Variants in ZSCAN18 observed in about 807,000 individuals in gnomAD.
ZSCAN18 encodes zinc finger and SCAN domain containing 18, also known as zinc finger and SCAN domain-containing protein 18.
ZSCAN18 carries 16 observed loss-of-function variants against 31.1 expected under a neutral mutation model. The observed-to-expected ratio is 0.51, with a 90% CI of 0.35 to 0.78. ZSCAN18 has a LOEUF of 0.78. Ranked by LOEUF, ZSCAN18 falls within the 30% of genes least tolerant of loss-of-function variation. The probability of loss-of-function intolerance (pLI) is 0.01; values close to 1 mark genes in which losing one functional copy is unlikely to be tolerated. For synonymous variants in ZSCAN18, 375 were observed against 320.7 expected, an observed-to-expected ratio of 1.17 and a Z score of -1.81; for missense variants, 731 against 697.4, an observed-to-expected ratio of 1.05 and a Z score of -0.54.
chr19:58,105,985 GA>G (rs1226486666), intron 1 of ZSCAN18, among the ~76,000 whole-genome samples: 7 of 149,330 alleles, frequency 4.7e-5, no homozygotes, highest in Non-Finnish European at 8.9e-5. Flanking sequence ...TATCAAAAAA[GA>G]AAAAAAAAGG....
upstream of ZSCAN18, among the ~76,000 whole-genome samples, chr19:58,099,967 T>TTTTTTG (rs1555802344): frequency 2.7e-5 from 4 of 149,480 alleles, no homozygotes; most frequent in South Asian, 2.1e-4. Flanking sequence ...AAGCTATGTT[T>TTTTTTG]TTTTTTTTTT....
chr19:58,105,047 T>C (rs1364725604), intron 1 of ZSCAN18, among the ~76,000 whole-genome samples: 1 of 152,228 alleles, frequency 6.6e-6, no homozygotes, highest in African/African-American at 2.4e-5. Flanking sequence ...GACTTTAAGT[T>C]GAAACCAAAG....
chr19:58,088,508 G>T (rs1396404136), intron 3 of ZSCAN18, 180 bp downstream of exon 3: 13 of 593,106 alleles, frequency 2.2e-5, no homozygotes, highest in Non-Finnish European at 3.8e-5. Flanking sequence ...AATCTCTGAA[G>T]ACTAATTTAA....
In ZSCAN18 at chr19:58,083,879, A is replaced by G. The variant is rs527411701; in HGVS notation, c.*806T>C. On this transcript the variant is annotated 3_prime_UTR_variant, in exon 7 of 7. Transcript: ENST00000601144. ...AGTTTAGTCTCCTTTGCTCAGACAG[A>G]CAGATCTTTATTAGTGTTTTCAACT... The G allele has an allele frequency of 3.9e-4, 59 of 152,354 alleles. No individual in the cohort carries two copies. Among genetic ancestry groups the G allele is most frequent in the African/African-American group, 1.3e-3 (56 of 41,584 alleles). The allele number at this position is 152,354 out of a possible 1,614,324, so 9.4% of individuals were successfully genotyped here. A position where few individuals can be genotyped will look rare whatever the true frequency, so the allele number is the denominator to read the frequency against.
chr19:58,085,290 G>C lies in ZSCAN18; in HGVS notation c.928C>G (p.Pro310Ala). Reference protein sequence around the residue: ...VLPELPTEAPPGDALADPPSG... With the variant: ...VLPELPTEAPAGDALADPPSG... ...GGGGGATCGGCAAGGGCGTCCCCAG[G>C]GGGCGCCTCCGTAGGCAGCTCAGGC... The change falls in exon 7 of 7, where the codon CCT (proline) becomes GCT (alanine). Residue 310 changes from proline (P) to alanine (A), a missense_variant. This residue lies in a region of ZSCAN18 where 597 missense variants were observed against 499.5 expected (regional missense o/e 1.20). Transcript: ENST00000601144. The C allele has an allele frequency of 4.4e-6, 7 of 1,600,336 alleles. No homozygotes were observed. Among genetic ancestry groups the C allele is most frequent in the Non-Finnish European group, 5.9e-6 (7 of 1,177,876 alleles).
chr19:58,087,153 G>A (rs1012586773), intron 4 of ZSCAN18, 145 bp from the exon 5 acceptor site: 7 of 996,928 alleles, frequency 7.0e-6, no homozygotes, highest in East Asian at 2.6e-5. Flanking sequence ...AGCCCCCTTC[G>A]CACCACAAAG....
intron 3 of ZSCAN18, chr19:58,087,636 CT>C (rs35453706): frequency 0.24 from 99,419 of 405,984 alleles, 3,230 homozygotes; most frequent in Middle Eastern, 0.31. Context: ...TCATGGAAAT[CT>C]TTTTTTTTTT....
At chr19:58,115,218 C>T (rs967922991) in intron 1 of ZSCAN18, among the ~76,000 whole-genome samples, 1 of 152,144 alleles carries the variant, frequency 6.6e-6, no homozygotes, top group Admixed American at 6.5e-5. Flanking sequence ...CAAGTTCAAT[C>T]CTATTTAATC....
rs372172137 is a variant in ZSCAN18 at position 58,087,382 on chromosome 19, C to T, written c.576G>A (p.Leu192=). 2 of 1,603,590 alleles carry T rather than the reference C, an allele frequency of 1.2e-6. No homozygotes were observed. Among genetic ancestry groups the T allele is most frequent in the African/African-American group, 2.7e-5 (2 of 74,858 alleles). The change falls in exon 4 of 7, where the codon CTG becomes CTA. Residue 192 remains leucine, a synonymous_variant. Transcript: ENST00000601144. The part of the protein sequence containing the change: ...SETPWLSPDP[L]FLEQRRVREA... ...CTCTGACCCTCCTCTGTTCCAGAAA[C>T]AGGGGGTCCGGAGAAAGCCAGGCTG...
chr19:58,088,554 G>T (rs1175093450), intron 3 of ZSCAN18, 134 bp downstream of exon 3: 5 of 808,982 alleles, frequency 6.2e-6, no homozygotes, highest in Non-Finnish European at 9.7e-6. Context: ...ACTACAGGAG[G>T]AAGTCCCAAT....
chr19:58,086,353 G>T (rs2074280445), intron 5 of ZSCAN18, 87 bp from the exon 6 acceptor site: 4 of 1,212,970 alleles, frequency 3.3e-6, no homozygotes, highest in Non-Finnish European at 4.8e-6. Context: ...GCCAGGGCAG[G>T]CTGCAGCCCA....
intron 1 of ZSCAN18, among the ~76,000 whole-genome samples, chr19:58,111,153 G>A (rs1335294092): frequency 7.0e-6 from 1 of 142,194 alleles, no homozygotes; most frequent in Non-Finnish European, 1.5e-5. Flanking sequence ...GGGCGACAGA[G>A]CAAGACTCCG....
intron 1 of ZSCAN18, among the ~76,000 whole-genome samples, chr19:58,110,808 T>C (rs1236400776): frequency 6.6e-6 from 1 of 152,238 alleles, no homozygotes; most frequent in Non-Finnish European, 1.5e-5. Context: ...TCTTTAGATG[T>C]ATTTTCATGA....
chr19:58,085,804 C>T (rs554252698), intron 6 of ZSCAN18: 12 of 313,684 alleles, frequency 3.8e-5, no homozygotes, highest in Non-Finnish European at 7.1e-5. Context: ...AACCCCCCAG[C>T]GACAAGCCCC....
intron 1 of ZSCAN18, among the ~76,000 whole-genome samples, chr19:58,097,415 C>T (rs1227995510): frequency 6.6e-6 from 1 of 151,724 alleles, no homozygotes; most frequent in East Asian, 1.9e-4. Flanking sequence ...GGGTCAGGAC[C>T]GAAGCCAGTA....
intron 2 of ZSCAN18, 114 bp from the exon 3 acceptor site, chr19:58,088,951 T>G: frequency 1.0e-6 from 1 of 974,346 alleles, no homozygotes; most frequent in Non-Finnish European, 1.5e-6. Context: ...CTACCCATCC[T>G]GCACCTCATC....
upstream of ZSCAN18, chr19:58,098,243 T>C: frequency 1.0e-6 from 1 of 985,454 alleles, no homozygotes; most frequent in South Asian, 4.7e-5. Flanking sequence ...GCCGGCAAAC[T>C]GCGCCTGCGC....
chr19:58,113,173 A>G (rs2146029542), intron 1 of ZSCAN18, among the ~76,000 whole-genome samples: 1 of 151,250 alleles, frequency 6.6e-6, no homozygotes, highest in Non-Finnish European at 1.5e-5. Context: ...AAAATTAGCC[A>G]GGTGTGGTGG....
At chr19:58,087,498 C>T in intron 3 of ZSCAN18, 94 bp from the exon 4 acceptor site, 1 of 1,089,978 alleles carries the variant, frequency 9.2e-7, no homozygotes, top group Non-Finnish European at 1.3e-6. Context: ...CCACACAGGC[C>T]CCAGTGTGCT....
Sources: gnomAD v4.1 joint callset for allele counts (sites outside exome capture counted in the v4.1 genomes callset) on GRCh38, gnomAD v4.1.1 for gene constraint, gnomAD v4.1.1 regional missense constraint, MANE v1.5 for transcripts, NCBI Gene and HGNC (gene_info 2026-07-23, HGNC 2026-07-21) for gene names.